FAM89A: variants seen among roughly 807,000 people sequenced by gnomAD.
FAM89A encodes protein FAM89A.
FAM89A carries 10 observed loss-of-function variants against 7.1 expected under a neutral mutation model. The observed-to-expected ratio is 1.40, with a 90% CI of 0.86 to 2.38. FAM89A has a LOEUF of 2.38. Among genes scored for constraint, FAM89A ranks in the 30% most tolerant of loss-of-function variants. The pLI, the probability that FAM89A is intolerant of heterozygous loss-of-function variation, is 0.00. For synonymous variants in FAM89A, 157 were observed against 129.3 expected, an observed-to-expected ratio of 1.21 and a Z score of -1.45; for missense variants, 276 against 262.8, an observed-to-expected ratio of 1.05 and a Z score of -0.35.
intron 1 of FAM89A, among the ~76,000 whole-genome samples, chr1:231,038,279 G>C (rs1443675952): frequency 2.0e-5 from 3 of 152,144 alleles, no homozygotes; most frequent in Non-Finnish European, 2.9e-5. Flanking sequence ...TAATTATACG[G>C]ATGTGGTTGT....
Position 231,019,698 on chromosome 1 carries a change from G to T in FAM89A, c.*165C>A. The stretch of plus-strand genomic sequence containing the variant: ...TGCCATCAAAGCAGACTGCCACCAT[G>T]CATCCGCGGAGAACTCCCTGCCTAC... On this transcript the variant is annotated 3_prime_UTR_variant, in exon 2 of 2. Coordinates refer to ENST00000366654, the MANE Select transcript of FAM89A (RefSeq NM_198552.3). The T allele has an allele frequency of 1.4e-6, 1 of 721,432 alleles. No homozygotes were observed. 44.7% of individuals were successfully genotyped at this position (721,432 alleles called of 1,614,324 possible). A position where few individuals can be genotyped will look rare whatever the true frequency, so the allele number is the denominator to read the frequency against.
In FAM89A at chr1:231,023,484, A is replaced by AAAAC. The variant is rs544065695; in HGVS notation, c.292-3362_292-3359dup. On this transcript the variant is annotated intron_variant, in intron 1 of 1. Transcript: ENST00000366654. ...CCTCCTTCCTCAGAGGGCTTCAAGC[A>AAAAC]AAACAAACAGCCTTTTCGTGTGAAA... 1.8e-3 allele frequency among the ~76,000 whole-genome samples: 279 copies of AAAAC among 152,338 alleles called. 1 individual carries two copies. Among genetic ancestry groups the AAAAC allele is most frequent in the Non-Finnish European group, 3.4e-3 (230 of 68,028 alleles).
intron 1 of FAM89A, among the ~76,000 whole-genome samples, chr1:231,025,592 G>T (rs1679955860): frequency 6.6e-6 from 1 of 152,002 alleles, no homozygotes; most frequent in Non-Finnish European, 1.5e-5. Context: ...AGACACCACT[G>T]CTTGCTCTTT....
intron 1 of FAM89A, among the ~76,000 whole-genome samples, chr1:231,039,287 C>T (rs1022886191): frequency 1.3e-5 from 2 of 152,234 alleles, no homozygotes; most frequent in Admixed American, 1.3e-4. Context: ...CACCTCCCAC[C>T]TTTCTCAAGA....
intron 1 of FAM89A, among the ~76,000 whole-genome samples, chr1:231,036,023 G>A (rs1385071504): frequency 6.6e-6 from 1 of 152,170 alleles, no homozygotes; most frequent in Non-Finnish European, 1.5e-5. Context: ...CCAAAATTGA[G>A]GGTGGCCACT....
chr1:231,029,143 G>A (rs1680025691), intron 1 of FAM89A, among the ~76,000 whole-genome samples: 1 of 152,166 alleles, frequency 6.6e-6, no homozygotes, highest in Non-Finnish European at 1.5e-5. Flanking sequence ...GGAAATTTGT[G>A]TTGATTTAAA....
chr1:231,025,213 T>C (rs537680584), intron 1 of FAM89A, among the ~76,000 whole-genome samples: 5 of 152,246 alleles, frequency 3.3e-5, no homozygotes, highest in South Asian at 2.1e-4. Flanking sequence ...TGAGCCACCG[T>C]GCCCGGCCAC....
intron 1 of FAM89A, among the ~76,000 whole-genome samples, chr1:231,039,099 C>A (rs374781936): frequency 5.9e-5 from 9 of 152,242 alleles, no homozygotes; most frequent in African/African-American, 1.7e-4. Context: ...GGGAAAGACT[C>A]GCTGTTGCCT....
chr1:231,035,869 G>A (rs181081009), intron 1 of FAM89A, among the ~76,000 whole-genome samples: 11 of 152,304 alleles, frequency 7.2e-5, no homozygotes, highest in Admixed American at 3.3e-4. Flanking sequence ...CCCAGTGTCC[G>A]ACTCCATCCA....
intron 1 of FAM89A, among the ~76,000 whole-genome samples, chr1:231,020,625 C>A (rs1679859233): frequency 6.6e-6 from 1 of 152,198 alleles, no homozygotes; most frequent in Non-Finnish European, 1.5e-5. Flanking sequence ...TGACATCCCC[C>A]TGGAGCACCC....
intron 1 of FAM89A, among the ~76,000 whole-genome samples, chr1:231,024,579 C>G (rs1196687354): frequency 1.3e-5 from 2 of 148,150 alleles, no homozygotes; most frequent in African/African-American, 5.0e-5. Flanking sequence ...CTTTGTCACC[C>G]AGGCAGGAGT....
At chr1:231,039,746 A>C (rs914863789) in intron 1 of FAM89A, among the ~76,000 whole-genome samples, 175 bp downstream of exon 1, 5 of 152,094 alleles carry the variant, frequency 3.3e-5, no homozygotes, top group African/African-American at 1.2e-4. Flanking sequence ...AATCGTGGGC[A>C]CGGAGCACGC....
chr1:231,021,669 C>A lies in FAM89A; in HGVS notation c.292-1543G>T, dbSNP rs1051620526. 47 of 1,570,612 alleles carry A rather than the reference C, an allele frequency of 3.0e-5. No individual in the cohort carries two copies. The African/African-American group carries it at 4.5e-4, about 15-fold the overall frequency. Reference sequence around the variant, plus strand: ...AATTCTAGACAAGCCCAGAAGCGAACACGGGAAGCAACCTCCACCCCTGAG... The same window carrying A: ...AATTCTAGACAAGCCCAGAAGCGAAAACGGGAAGCAACCTCCACCCCTGAG... On this transcript the variant is annotated intron_variant, in intron 1 of 1. Coordinates refer to ENST00000366654, the MANE Select transcript of FAM89A (RefSeq NM_198552.3).
chr1:231,024,553 T>TCACACACAC (rs1679931304), intron 1 of FAM89A, among the ~76,000 whole-genome samples: 1 of 66,322 alleles, frequency 1.5e-5, no homozygotes, highest in African/African-American at 4.7e-5. Flanking sequence ...CACACACATT[T>TCACACACAC]AGAGATGGAG....
In FAM89A at chr1:231,021,637, A is replaced by G. The variant is rs929152405; in HGVS notation, c.292-1511T>C. 14 of 1,549,570 alleles carry G rather than the reference A, an allele frequency of 9.0e-6. No individual in the cohort carries two copies. The Admixed American group carries it at 1.7e-4, about 19-fold the overall frequency. On this transcript the variant is annotated intron_variant, in intron 1 of 1. Transcript: ENST00000366654. ...TGAGTACAAGAAAGCGTCGAGGTGG[A>G]GCAATAAATTCTAGACAAGCCCAGA...
intron 1 of FAM89A, 97 bp downstream of exon 1, chr1:231,039,824 G>A: frequency 8.6e-7 from 1 of 1,167,812 alleles, no homozygotes; most frequent in Non-Finnish European, 1.1e-6. Context: ...AAGGGCGGGT[G>A]GGCGCGGGGA....
intron 1 of FAM89A, among the ~76,000 whole-genome samples, chr1:231,033,523 G>A (rs1032670774): frequency 4.6e-5 from 7 of 152,206 alleles, no homozygotes; most frequent in Admixed American, 2.6e-4. Context: ...CAGCCATGTC[G>A]GTGAGACCAG....
intron 1 of FAM89A, among the ~76,000 whole-genome samples, chr1:231,035,712 C>G (rs745641539): frequency 2.0e-5 from 3 of 152,224 alleles, no homozygotes; most frequent in Non-Finnish European, 4.4e-5. Context: ...GTTAGCCAAG[C>G]TAGCCATCAG....
chr1:231,021,925 C>CAACAA, intron 1 of FAM89A: 1 of 1,494,822 alleles, frequency 6.7e-7, no homozygotes, highest in Non-Finnish European at 9.3e-7. Context: ...GGGACAGAGA[C>CAACAA]GTGTATGTGA....
Sources: gnomAD v4.1 joint callset for allele counts (sites outside exome capture counted in the v4.1 genomes callset) on GRCh38, gnomAD v4.1.1 for gene constraint, MANE v1.5 for transcripts, NCBI Gene and HGNC (gene_info 2026-07-23, HGNC 2026-07-21) for gene names.